BMS1: variants seen among roughly 807,000 people sequenced by gnomAD.
BMS1 encodes ribosome biogenesis protein BMS1 homolog.
A neutral mutation model predicts 138.7 loss-of-function variants in BMS1; 53 were observed. The ratio of observed to expected loss-of-function variants is 0.38; its 90% CI spans 0.31 to 0.48. BMS1 has a LOEUF of 0.48. Among genes scored for constraint, BMS1 ranks in the 20% least tolerant of loss-of-function variants. The pLI is 0.97. For synonymous variants in BMS1, 504 were observed against 539.9 expected (o/e 0.93, Z 0.92); for missense variants, 1,360 against 1,565.5 (o/e 0.87, Z 2.22).
rs1240798727 is a variant in BMS1, at chr10:42,832,441, AC to A, written c.*1346del. 6.6e-6 allele frequency: 1 copy of A among 151,508 alleles called. No individual in the cohort carries two copies. Among genetic ancestry groups the A allele is most frequent in the African/African-American group, 2.4e-5 (1 of 41,108 alleles). The allele number at this position is 151,508 out of a possible 1,614,324, so 9.4% of individuals were successfully genotyped here. On this transcript the variant is annotated 3_prime_UTR_variant, in exon 23 of 23. Transcript: ENST00000374518. ...CCCTGTTTCAAAAAAAAAAAATTAT[AC>A]ATATATGTATGTAGAACACTTCATG...
At chr10:42,794,675 C>G (rs1466005082) in intron 9 of BMS1, among the ~76,000 whole-genome samples, 1 of 151,726 alleles carries the variant, frequency 6.6e-6, no homozygotes, top group Non-Finnish European at 1.5e-5. Context: ...TTTGCATATC[C>G]TTCTAGTCAT....
chr10:42,813,748 G>C (rs201909779), intron 13 of BMS1, among the ~76,000 whole-genome samples: 1 of 151,892 alleles, frequency 6.6e-6, no homozygotes, highest in African/African-American at 2.4e-5. Context: ...TTAATTTTTT[G>C]TATTGTGGAA....
chr10:42,829,173 G>T (rs1353696283), intron 21 of BMS1, among the ~76,000 whole-genome samples: 1 of 152,096 alleles, frequency 6.6e-6, no homozygotes, highest in Admixed American at 6.5e-5. Context: ...TTAGCCAGGC[G>T]TGGTGGCGGG....
chr10:42,821,668 T>A (rs1195410502), intron 18 of BMS1, among the ~76,000 whole-genome samples: 1 of 150,184 alleles, frequency 6.7e-6, no homozygotes, highest in Admixed American at 6.7e-5. Context: ...TTCTCCTGCC[T>A]TAGCTTCCTG....
At chr10:42,796,409 T>C in intron 9 of BMS1, 65 bp from the exon 10 acceptor site, 1 of 1,478,564 alleles carries the variant, frequency 6.8e-7, no homozygotes, top group Non-Finnish European at 9.2e-7. Flanking sequence ...TTGACTATAT[T>C]GCCATTTCTA....
chr10:42,810,547 G>C (rs1842142668), intron 13 of BMS1, among the ~76,000 whole-genome samples: 1 of 152,064 alleles, frequency 6.6e-6, no homozygotes, highest in Non-Finnish European at 1.5e-5. Context: ...CCCCTATTCT[G>C]TTTTCTGGAA....
rs1339543387 is a variant in BMS1, at chr10:42,791,659, G to A, written c.669G>A (p.Val223=). 4.3e-6 allele frequency: 7 copies of A among 1,613,620 alleles called. No homozygotes were observed. The highest frequency in any genetic ancestry group is 1.1e-5 in the South Asian group (1 of 91,046). Residue 223 remains valine, a synonymous_variant, in exon 6 of 23, where the codon GTG becomes GTA. Coordinates refer to ENST00000374518, the MANE Select transcript of BMS1 (RefSeq NM_014753.4). ...AGCTGTTCTACCTTTCTGGAATGGT[G>A]CATGGAGAATATCAAAACCAAGAAA... ...GAKLFYLSGM[V]HGEYQNQEIH...
chr10:42,791,877 G>A, intron 6 of BMS1, 108 bp downstream of exon 6: 2 of 1,339,224 alleles, frequency 1.5e-6, no homozygotes, highest in Non-Finnish European at 2.0e-6. Flanking sequence ...TGAATAGGGG[G>A]GATAGAAGTG....
At chr10:42,805,923 G>A (rs1447267809) in intron 13 of BMS1, among the ~76,000 whole-genome samples, 3 of 151,992 alleles carry the variant, frequency 2.0e-5, no homozygotes, top group South Asian at 2.1e-4. Context: ...CCCCAGCCTC[G>A]TGAGTAGCTG....
chr10:42,808,838 C>G (rs1842087927), intron 13 of BMS1, among the ~76,000 whole-genome samples: 1 of 152,152 alleles, frequency 6.6e-6, no homozygotes, highest in Non-Finnish European at 1.5e-5. Context: ...TCTGGGTTCT[C>G]TTGTGTTCTA....
chr10:42,806,582 A>G (rs1020271060), intron 13 of BMS1, among the ~76,000 whole-genome samples: 5 of 152,102 alleles, frequency 3.3e-5, no homozygotes, highest in Admixed American at 3.3e-4. Flanking sequence ...TAAAAATACA[A>G]AAATTAGCCA....
chr10:42,801,087 A>G (rs1042376422), intron 12 of BMS1, among the ~76,000 whole-genome samples: 4 of 152,212 alleles, frequency 2.6e-5, no homozygotes, highest in African/African-American at 9.6e-5. Context: ...GGAATCACCC[A>G]TAAGAAATCC....
rs191210303 is a variant in BMS1 at position 42,788,499 on chromosome 10, G to A, written c.447+1252G>A. On this transcript the variant is annotated intron_variant, in intron 4 of 22. Transcript: ENST00000374518. The stretch of plus-strand genomic sequence containing the variant: ...AAACATTTATCATTTTTTTGTGTTA[G>A]GAACATTTCAATTTCATTCTTATAG... 8.5e-4 allele frequency among the ~76,000 whole-genome samples: 129 copies of A among 152,062 alleles called. 2 individuals are homozygous for A. The highest frequency in any genetic ancestry group is 5.9e-5 in the Non-Finnish European group (4 of 67,974).
chr10:42,802,147 G>A lies in BMS1; in HGVS notation c.2258G>A (p.Ser753Asn). 4 of 1,613,220 alleles carry A rather than the reference G, an allele frequency of 2.5e-6. No individual in the cohort carries two copies. The highest frequency in any genetic ancestry group is 3.4e-6 in the Non-Finnish European group (4 of 1,179,488). The change falls in exon 13 of 23, where the codon AGT becomes AAT. Residue 753 changes from serine (S) to asparagine (N), a missense_variant. Ser to Asn is a conservative substitution (Grantham distance 46). Around this residue, in one of 3 missense-constraint regions of BMS1, gnomAD observed 697 missense variants for 686.2 expected, o/e 1.02. Coordinates refer to ENST00000374518, the MANE Select transcript of BMS1 (RefSeq NM_014753.4). ...ACTTTTCTGCGTAAGGTTATGAACA[G>A]TATCAGAGATTGCTTCGTGACTGGA... Reference protein sequence around the residue: ...HDWDLEEVMNSIRDCFVTGKW... With the variant: ...HDWDLEEVMNNIRDCFVTGKW...
intron 5 of BMS1, among the ~76,000 whole-genome samples, chr10:42,791,145 C>T (rs1403681262): frequency 6.6e-6 from 1 of 152,146 alleles, no homozygotes; most frequent in Non-Finnish European, 1.5e-5. Flanking sequence ...TGCTGAATTC[C>T]TTTGTGTGTG....
At chr10:42,798,770 G>A (rs570338269) in intron 12 of BMS1, 145 bp downstream of exon 12, 33 of 1,133,574 alleles carry the variant, frequency 2.9e-5, no homozygotes, top group East Asian at 2.0e-4. Flanking sequence ...TGTAGTGGGC[G>A]CTTCATGCAT....
Sources: allele counts gnomAD v4.1 joint callset (sites outside exome capture counted in the v4.1 genomes callset), GRCh38; gene constraint gnomAD v4.1.1; regional missense constraint gnomAD v4.1.1; transcripts MANE v1.5; gene names NCBI Gene and HGNC (gene_info 2026-07-23, HGNC 2026-07-21).